LYST: variants seen among roughly 807,000 people sequenced by gnomAD.
LYST encodes lysosomal trafficking regulator.
LYST carries 192 observed loss-of-function variants against 413.6 expected under a neutral mutation model. The observed-to-expected ratio is 0.46, with a 90% CI of 0.41 to 0.52. The LOEUF (loss-of-function observed/expected upper bound fraction) is 0.52, where lower values mean the gene tolerates loss of function less well. Among genes scored for constraint, LYST ranks in the 20% least tolerant of loss-of-function variants. The pLI is 0.00. For synonymous variants in LYST, 1,525 were observed against 1,567.3 expected (o/e 0.97, Z 0.64); for missense variants, 3,815 against 4,499.9 (o/e 0.85, Z 4.35).
chr1:235,720,001 C>A (rs1663209058), intron 40 of LYST, among the ~76,000 whole-genome samples: 1 of 151,692 alleles, frequency 6.6e-6, no homozygotes, highest in African/African-American at 2.4e-5. Context: ...CATGGTGAAA[C>A]CCTGTCTCTA....
At chr1:235,729,419 T>C (rs1407180590) in intron 37 of LYST, among the ~76,000 whole-genome samples, 177 bp downstream of exon 37, 2 of 152,248 alleles carry the variant, frequency 1.3e-5, no homozygotes, top group Non-Finnish European at 2.9e-5. Flanking sequence ...CAAGATATCA[T>C]TTCTTCACAT....
rs766507211 is a variant in LYST, at chr1:235,782,057, A to G, written c.4893T>C (p.Leu1631=). ...RKPDVTLDFM[L]PRKTSLSSDS... ...CAGATGACAAACTTGTTTTTCTTGGAAGCATAAAATCCAAAGTAACATCAG... is the reference window on the plus strand; with the variant it reads ...CAGATGACAAACTTGTTTTTCTTGGGAGCATAAAATCCAAAGTAACATCAG... Residue 1631 remains leucine (L), a synonymous_variant, in exon 15 of 53, where the codon CTT becomes CTC. Transcript: ENST00000389793. 21 of 1,613,004 alleles carry G rather than the reference A, an allele frequency of 1.3e-5. No homozygotes were observed. The East Asian group carries it at 4.7e-4, about 36-fold the overall frequency.
chr1:235,716,705 A>G lies in LYST; in HGVS notation c.9627+7T>C. 4 of 1,563,030 alleles carry G rather than the reference A, an allele frequency of 2.6e-6. No individual in the cohort carries two copies. In the South Asian group the frequency reaches 3.4e-5, roughly 13 times the overall value. On this transcript the variant is annotated splice_region_variant and intron_variant, in intron 41 of 52. Transcript: ENST00000389793. ...TTTAATAAAGTACGAGTAAAAACAA[A>G]AGCTACCTTGTATGTGTCCACATAA...
At chr1:235,837,261 G>T (rs1676675030) in intron 1 of LYST, among the ~76,000 whole-genome samples, 1 of 152,184 alleles carries the variant, frequency 6.6e-6, no homozygotes, top group Non-Finnish European at 1.5e-5. Flanking sequence ...GAAAAATCAG[G>T]TGAGTGGTAT....
intron 48 of LYST, among the ~76,000 whole-genome samples, chr1:235,681,011 C>T (rs74148746): frequency 6.6e-6 from 1 of 152,286 alleles, no homozygotes; most frequent in Admixed American, 6.5e-5. Context: ...TGTCACTGAA[C>T]CAGGAGCTGG....
intron 29 of LYST, among the ~76,000 whole-genome samples, chr1:235,746,044 G>T (rs1665891538): frequency 6.6e-6 from 1 of 152,140 alleles, no homozygotes; most frequent in Non-Finnish European, 1.5e-5. Flanking sequence ...GGTACACAGG[G>T]TCTCTCTCTG....
intron 14 of LYST, among the ~76,000 whole-genome samples, chr1:235,782,582 G>A (rs1402508911): frequency 6.6e-6 from 1 of 152,108 alleles, no homozygotes; most frequent in Non-Finnish European, 1.5e-5. Flanking sequence ...CAGAAAGAGG[G>A]GAGCCAAAGA....
chr1:235,744,308 T>TA (rs1367990219), intron 29 of LYST, 151 bp from the exon 30 acceptor site: 1 of 594,584 alleles, frequency 1.7e-6, no homozygotes, highest in Non-Finnish European at 3.0e-6. Context: ...ATGTAATAGA[T>TA]ACAATGTAGT....
chr1:235,678,940 GT>G (rs1427920678), intron 48 of LYST, among the ~76,000 whole-genome samples: 1 of 152,024 alleles, frequency 6.6e-6, no homozygotes, highest in Non-Finnish European at 1.5e-5. Flanking sequence ...AAACACCATT[GT>G]TTTTGAAATA....
intron 3 of LYST, among the ~76,000 whole-genome samples, chr1:235,820,025 C>T (rs895576998): frequency 6.6e-6 from 1 of 152,212 alleles, no homozygotes; most frequent in African/African-American, 2.4e-5. Context: ...ATAGAAACAA[C>T]AAACAGTAAA....
chr1:235,698,646 C>T (rs1352463073), intron 45 of LYST, among the ~76,000 whole-genome samples: 3 of 151,972 alleles, frequency 2.0e-5, no homozygotes, highest in Admixed American at 6.6e-5. Context: ...CCGAGGCGGG[C>T]GGATCATGAA....
intron 19 of LYST, among the ~76,000 whole-genome samples, chr1:235,771,054 G>A (rs1668616171): frequency 6.6e-6 from 1 of 152,096 alleles, no homozygotes; most frequent in African/African-American, 2.4e-5. Context: ...TATTTCTCCT[G>A]CCATTATCTG....
At chr1:235,836,548 T>C (rs1676598990) in intron 1 of LYST, among the ~76,000 whole-genome samples, 1 of 152,008 alleles carries the variant, frequency 6.6e-6, no homozygotes, top group Non-Finnish European at 1.5e-5. Flanking sequence ...CTGAGATAAA[T>C]GTATGCTGGA....
chr1:235,712,236 A>T, intron 42 of LYST, 39 bp from the exon 43 acceptor site: 1 of 1,443,288 alleles, frequency 6.9e-7, no homozygotes, highest in South Asian at 1.3e-5. Flanking sequence ...AGACACAAAG[A>T]CCTAATTCTA....
rs778727637 is a variant in LYST at position 235,793,595 on chromosome 1, C to T, written c.4024G>A (p.Val1342Met). 3.2e-6 allele frequency: 5 copies of T among 1,585,912 alleles called. No individual in the cohort carries two copies. The highest frequency in any genetic ancestry group is 1.1e-5 in the South Asian group (1 of 89,888). Residue 1342 changes from valine (V) to methionine (M), a missense_variant, in exon 11 of 53, where the codon GTG (valine) becomes ATG (methionine). By Grantham distance (21) the Val-to-Met change is conservative. Around this residue, in one of 4 missense-constraint regions of LYST, gnomAD observed 1,648 missense variants for 1,810.3 expected, o/e 0.91. Coordinates refer to ENST00000389793, the MANE Select transcript of LYST (RefSeq NM_000081.4). ...SDFQACQRVL[V>M]DLLVSLMSSR... Reference sequence around the variant, plus strand: ...CTCATCAAAGATACCAAAAGATCCACCAATACTCTCTGGCATGCTAAATTA... The same window carrying T: ...CTCATCAAAGATACCAAAAGATCCATCAATACTCTCTGGCATGCTAAATTA...
intron 3 of LYST, among the ~76,000 whole-genome samples, chr1:235,823,205 T>C (rs1045540209): frequency 3.9e-5 from 6 of 152,170 alleles, no homozygotes; most frequent in Non-Finnish European, 8.8e-5. Context: ...TCTCCATGGA[T>C]AGCACCACTG....
At chr1:235,848,643 G>A (rs2103085207) in intron 1 of LYST, among the ~76,000 whole-genome samples, 1 of 152,146 alleles carries the variant, frequency 6.6e-6, no homozygotes, top group East Asian at 1.9e-4. Flanking sequence ...GATTAACCAA[G>A]AAAAGAAGAG....
At chr1:235,828,375 A>C (rs1389109201) in intron 3 of LYST, 2 of 154,914 alleles carry the variant, frequency 1.3e-5, no homozygotes. Context: ...ACCTGTGACT[A>C]CACTAAAAGC....
chr1:235,731,392 C>T (rs573096560), intron 34 of LYST, among the ~76,000 whole-genome samples: 1 of 152,100 alleles, frequency 6.6e-6, no homozygotes, highest in Non-Finnish European at 1.5e-5. Context: ...CCCAGTTCCT[C>T]GCCTGAAGGC....
Sources: allele counts gnomAD v4.1 joint callset (sites outside exome capture counted in the v4.1 genomes callset), GRCh38; gene constraint gnomAD v4.1.1; regional missense constraint gnomAD v4.1.1; transcripts MANE v1.5; gene names NCBI Gene and HGNC (gene_info 2026-07-23, HGNC 2026-07-21).